Variants in RHOBTB1 observed in about 807,000 individuals in gnomAD.
RHOBTB1 encodes the protein rho-related BTB domain-containing protein 1.
A neutral mutation model predicts 71.6 loss-of-function variants in RHOBTB1; 40 were observed. That is an observed-to-expected ratio of 0.56 (90% CI 0.43 to 0.73). The LOEUF (loss-of-function observed/expected upper bound fraction) is 0.73. Among genes scored for constraint, RHOBTB1 ranks in the 30% least tolerant of loss-of-function variants. The pLI is 0.00. For synonymous variants in RHOBTB1, 319 were observed against 334.9 expected (o/e 0.95, Z 0.52); for missense variants, 797 against 894.0 (o/e 0.89, Z 1.38).
intron 2 of RHOBTB1, among the ~76,000 whole-genome samples, chr10:60,939,258 G>A (rs2084769665): frequency 6.6e-6 from 1 of 152,112 alleles, no homozygotes; most frequent in East Asian, 1.9e-4. Flanking sequence ...GGAAAAAGTG[G>A]CAGTCATACT....
intron 2 of RHOBTB1, among the ~76,000 whole-genome samples, chr10:60,954,718 T>C (rs538275106): frequency 1.3e-5 from 2 of 152,190 alleles, no homozygotes; most frequent in Non-Finnish European, 1.5e-5. Flanking sequence ...GTGACAAAAT[T>C]ATTTTTGAAA....
chr10:60,960,601 G>A (rs2085745557), intron 2 of RHOBTB1, among the ~76,000 whole-genome samples: 1 of 152,126 alleles, frequency 6.6e-6, no homozygotes, highest in African/African-American at 2.4e-5. Context: ...TTCTTGAGTG[G>A]GGTTTAAGTT....
chr10:60,867,077 C>T (rs1163901152), downstream of RHOBTB1, among the ~76,000 whole-genome samples: 2 of 152,100 alleles, frequency 1.3e-5, no homozygotes, highest in African/African-American at 4.8e-5. Flanking sequence ...CATATGGGTG[C>T]CTTACCTAAG....
At chr10:60,948,760 A>G (rs2085317332), upstream of RHOBTB1, among the ~76,000 whole-genome samples, 1 of 152,248 alleles carries the variant, frequency 6.6e-6, no homozygotes, top group Non-Finnish European at 1.5e-5. Flanking sequence ...CAGTTGTTGG[A>G]GTAGATTCTT....
chr10:60,957,950 C>A (rs1589418312), intron 2 of RHOBTB1, among the ~76,000 whole-genome samples: 1 of 152,158 alleles, frequency 6.6e-6, no homozygotes, highest in Admixed American at 6.5e-5. Context: ...AAATTCACAA[C>A]CATAATACAA....
chr10:60,956,660 A>AT (rs2085604467), intron 2 of RHOBTB1, among the ~76,000 whole-genome samples: 1 of 150,176 alleles, frequency 6.7e-6, no homozygotes, highest in Non-Finnish European at 1.5e-5. Flanking sequence ...TACTTTTTAG[A>AT]CTTTTTTTTT....
At chr10:60,882,915 T>G (rs761763046) in intron 7 of RHOBTB1, among the ~76,000 whole-genome samples, 1 of 152,196 alleles carries the variant, frequency 6.6e-6, no homozygotes, top group East Asian at 1.9e-4. Context: ...TTATTGAACA[T>G]TTGTATGTTC....
intron 2 of RHOBTB1, among the ~76,000 whole-genome samples, chr10:60,969,956 G>T (rs2086097850): frequency 6.6e-6 from 1 of 152,104 alleles, no homozygotes; most frequent in African/African-American, 2.4e-5. Context: ...ACCCATTTCA[G>T]TTCTGATGTC....
intron 2 of RHOBTB1, among the ~76,000 whole-genome samples, chr10:60,960,322 ATT>A (rs2085735900): frequency 6.6e-6 from 1 of 152,172 alleles, no homozygotes; most frequent in Non-Finnish European, 1.5e-5. Context: ...CCCCCTATTG[ATT>A]ATGCTGGCGA....
At chr10:60,909,863 A>G (rs2082877567) in intron 4 of RHOBTB1, among the ~76,000 whole-genome samples, 1 of 152,234 alleles carries the variant, frequency 6.6e-6, no homozygotes, top group Non-Finnish European at 1.5e-5. Context: ...AGTGTGTGAA[A>G]TAATTCCTGG....
chr10:60,927,351 T>G (rs2083944386), intron 2 of RHOBTB1, among the ~76,000 whole-genome samples: 2 of 152,164 alleles, frequency 1.3e-5, no homozygotes, highest in South Asian at 4.1e-4. Context: ...ACACCCAGGA[T>G]CAACACTTTG....
intron 2 of RHOBTB1, among the ~76,000 whole-genome samples, chr10:60,958,760 C>T (rs1187929971): frequency 6.6e-6 from 1 of 151,952 alleles, no homozygotes; most frequent in Non-Finnish European, 1.5e-5. Context: ...ACCACCATGC[C>T]CAGTAAATTT....
chr10:60,882,166 T>A lies in RHOBTB1; in HGVS notation c.1575+3946A>T, dbSNP rs550627817. Among the ~76,000 whole-genome samples, 5 of 151,678 alleles carry A rather than the reference T, an allele frequency of 3.3e-5. No homozygotes were observed. In the South Asian group the frequency reaches 1.0e-3, roughly 31 times the overall value. On this transcript the variant is annotated intron_variant, in intron 7 of 10. Transcript: ENST00000337910. Reference sequence around the variant, plus strand: ...CTTCATAAATAATGGAATCAAAAAATTTCTATCCTACCTGCTGGATATAGT... The same window carrying A: ...CTTCATAAATAATGGAATCAAAAAAATTCTATCCTACCTGCTGGATATAGT...
chr10:60,971,838 AAATTTAC>A (rs2086169404), intron 2 of RHOBTB1, among the ~76,000 whole-genome samples: 1 of 152,204 alleles, frequency 6.6e-6, no homozygotes, highest in Non-Finnish European at 1.5e-5. Flanking sequence ...GAACTTAAAC[AAATTTAC>A]AAGAATAAAA....
chr10:60,864,337 T>C, the RHOBTB1 span, among the ~76,000 whole-genome samples: 1 of 152,200 alleles, frequency 6.6e-6, no homozygotes, highest in African/African-American at 2.4e-5. Context: ...AAAATGTTAT[T>C]ATTATTATGA....
chr10:60,898,171 A>G (rs897684491), intron 4 of RHOBTB1, among the ~76,000 whole-genome samples: 11 of 152,072 alleles, frequency 7.2e-5, no homozygotes, highest in African/African-American at 2.7e-4. Context: ...ATGGACAGAC[A>G]TTGTGGTCAC....
intron 4 of RHOBTB1, among the ~76,000 whole-genome samples, chr10:60,902,196 C>A (rs991291033): frequency 6.6e-6 from 1 of 152,210 alleles, no homozygotes; most frequent in Admixed American, 6.5e-5. Context: ...GAGAATGGTA[C>A]ATGTATCTTC....
chr10:60,863,884 T>C, the RHOBTB1 span, among the ~76,000 whole-genome samples: 3 of 152,240 alleles, frequency 2.0e-5, no homozygotes, highest in Admixed American at 2.0e-4. Flanking sequence ...CTGTGTTCTT[T>C]GGTTTGCCTT....
At chr10:60,991,648 G>A (rs1421417652) in intron 1 of RHOBTB1, among the ~76,000 whole-genome samples, 1 of 151,898 alleles carries the variant, frequency 6.6e-6, no homozygotes, top group Non-Finnish European at 1.5e-5. Context: ...GGCCAGGCTG[G>A]TCTCAAACTC....
Sources: gnomAD v4.1 joint callset for allele counts (sites outside exome capture counted in the v4.1 genomes callset) on GRCh38, gnomAD v4.1.1 for gene constraint, MANE v1.5 for transcripts, NCBI Gene and HGNC (gene_info 2026-07-23, HGNC 2026-07-21) for gene names.